SH3TC1: variants seen among roughly 807,000 people sequenced by gnomAD.
SH3TC1 encodes SH3 domain and tetratricopeptide repeats 1.
SH3TC1 carries 135 observed loss-of-function variants against 117.3 expected under a neutral mutation model. The ratio of observed to expected loss-of-function variants is 1.15; its 90% CI spans 1.00 to 1.33. The LOEUF (loss-of-function observed/expected upper bound fraction) is 1.33. Ranked by LOEUF, SH3TC1 falls within the 40% of genes most tolerant of loss-of-function variation. The probability of loss-of-function intolerance (pLI) is 0.00; values close to 1 mark genes in which losing one functional copy is unlikely to be tolerated. For missense variants in SH3TC1, 2,092 were observed against 1,794.3 expected (o/e 1.17, Z -3.00); for synonymous variants, 898 against 816.9 (o/e 1.10, Z -1.69).
At chr4:8,213,267 T>A (rs1718912266) in intron 4 of SH3TC1, 1 of 160,052 alleles carries the variant, frequency 6.2e-6, no homozygotes, top group African/African-American at 2.4e-5. Flanking sequence ...CTGGCAGACC[T>A]CCCCATGGCT....
chr4:8,227,705 C>T lies in SH3TC1; in HGVS notation c.2011C>T (p.Leu671=), dbSNP rs755649628. 2 of 1,568,098 alleles carry T rather than the reference C, an allele frequency of 1.3e-6. No individual in the cohort carries two copies. The part of the protein sequence containing the change: ...LQAEARACFL[L]ARHHVHLKQP... ...GGCCGAGGCCCGGGCCTGCTTCCTG[C>T]TGGCCAGGCACCACGTGCACCTCAA... Residue 671 remains leucine, a synonymous_variant, in exon 12 of 18, where the codon CTG becomes TTG. Coordinates refer to ENST00000245105, the MANE Select transcript of SH3TC1 (RefSeq NM_018986.5).
chr4:8,235,387 C>T, intron 14 of SH3TC1, 46 bp from the exon 15 acceptor site: 3 of 1,419,288 alleles, frequency 2.1e-6, no homozygotes. Context: ...TGGGCGTGGC[C>T]ACCTCACCAG....
rs1718085363 is a variant in SH3TC1, at chr4:8,205,080, T to C, written c.-28-87T>C. 2 of 1,128,998 alleles carry C rather than the reference T, an allele frequency of 1.8e-6. No individual in the cohort carries two copies. Among genetic ancestry groups the C allele is most frequent in the Non-Finnish European group, 2.4e-6 (2 of 823,324 alleles). 69.9% of individuals were successfully genotyped at this position (1,128,998 alleles called of 1,614,324 possible). ...TGCAGGCGCTCAGCAACGCTGGTGT[T>C]CTCTTTCTGGACCCCAGGCCTGGAC... On this transcript the variant is annotated intron_variant, in intron 1 of 17. Transcript: ENST00000245105. The surrounding 1 kb of genome is among the most constrained non-coding windows in gnomAD (Gnocchi z 5.4).
rs915661179 is a variant in SH3TC1, at chr4:8,235,705, A to G, written c.3405+150A>G. 3 of 1,136,938 alleles carry G rather than the reference A, an allele frequency of 2.6e-6. No homozygotes were observed. The African/African-American group carries it at 4.7e-5, about 18-fold the overall frequency. The allele number at this position is 1,136,938 out of a possible 1,614,324, so 70.4% of individuals were successfully genotyped here. On this transcript the variant is annotated intron_variant, in intron 15 of 17. Coordinates refer to ENST00000245105, the MANE Select transcript of SH3TC1 (RefSeq NM_018986.5). ...TCCTAGTGGTTTCACCGGGAATGATATTGACTGTGCCCCCCGCCCGGGACA... is the reference window on the plus strand; with the variant it reads ...TCCTAGTGGTTTCACCGGGAATGATGTTGACTGTGCCCCCCGCCCGGGACA...
In SH3TC1 at chr4:8,216,091, A is replaced by T; in HGVS notation, c.482-20A>T. 1 of 1,611,566 alleles carries T rather than the reference A, an allele frequency of 6.2e-7. No individual in the cohort carries two copies. The highest frequency in any genetic ancestry group is 2.0e-4 in the Middle Eastern group (1 of 4,900). On this transcript the variant is annotated intron_variant, in intron 5 of 17. Transcript: ENST00000245105. ...GCCCCTCTTCTGGAGCCCTCGGGTG[A>T]CTGGGCCTGGCCTCCACAGGCTTCA...
At position 8,212,823 on chromosome 4, in the gene SH3TC1, C is replaced by G; in HGVS notation, c.370C>G (p.Leu124Val). The G allele has an allele frequency of 6.3e-7, 1 of 1,578,464 alleles. No homozygotes were observed. The highest frequency in any genetic ancestry group is 1.2e-5 in the South Asian group (1 of 86,148). ...ENDSREMARVLGELSARLLSI... is the reference protein window; with the variant it reads ...ENDSREMARVVGELSARLLSI... The stretch of plus-strand genomic sequence containing the variant: ...TGATAGCCGGGAGATGGCCCGCGTG[C>G]TTGGGGTGAGTAGCCCTCTGGGGCC... The change falls in exon 4 of 18, where the codon CTT becomes GTT. Residue 124 changes from leucine to valine, a missense_variant. Leu to Val is a conservative substitution (Grantham distance 32). Transcript: ENST00000245105.
chr4:8,222,140 A>G (rs564032024), intron 9 of SH3TC1, among the ~76,000 whole-genome samples: 8 of 152,182 alleles, frequency 5.3e-5, no homozygotes, highest in Non-Finnish European at 7.4e-5. Flanking sequence ...GAGGTTGTAC[A>G]GAATCAGTGG....
intron 2 of SH3TC1, among the ~76,000 whole-genome samples, chr4:8,208,110 C>T (rs974018409): frequency 1.3e-5 from 2 of 152,228 alleles, no homozygotes; most frequent in Non-Finnish European, 2.9e-5. Flanking sequence ...AACCCTCATC[C>T]AACCCTTCCA....
chr4:8,216,349 T>C lies in SH3TC1; in HGVS notation c.628+92T>C, dbSNP rs566552104. On this transcript the variant is annotated intron_variant, in intron 6 of 17. Coordinates refer to ENST00000245105, the MANE Select transcript of SH3TC1 (RefSeq NM_018986.5). ...AGCCTGGATCCCGCTGTGCTGAGCA[T>C]GTCTGGGGCTGTGGGCTGCGGAGCC... The C allele has an allele frequency of 6.0e-6, 9 of 1,506,636 alleles. No homozygotes were observed. In the East Asian group the frequency reaches 1.7e-4, roughly 28 times the overall value. 93.3% of individuals were successfully genotyped at this position (1,506,636 alleles called of 1,614,324 possible).
In SH3TC1 at chr4:8,186,668, G is replaced by A. The variant is rs1009805586; in HGVS notation, c.-57+4458G>A. Among the ~76,000 whole-genome samples, 1 of 152,176 alleles carries A rather than the reference G, an allele frequency of 6.6e-6. No individual in the cohort carries two copies. Among genetic ancestry groups the A allele is most frequent in the Non-Finnish European group, 1.5e-5 (1 of 68,026 alleles). On this transcript the variant is annotated intron_variant, in intron 1 of 16. Transcript: ENST00000508641. This position sits in a 1 kb window ranked among gnomAD's most constrained non-coding sequence, Gnocchi z 5.2. ...CTTTTAAAAAGCCCCTTGAGGCTGG[G>A]TGCGGTGGCTCACGCCTGTAATCCC...
At chr4:8,198,442 C>A (rs1326749884), upstream of SH3TC1, among the ~76,000 whole-genome samples, 1 of 152,220 alleles carries the variant, frequency 6.6e-6, no homozygotes, top group Non-Finnish European at 1.5e-5. Flanking sequence ...CGTGGGTGCT[C>A]ACACTCCTGT....
chr4:8,238,458 C>T (rs969783810), intron 17 of SH3TC1, among the ~76,000 whole-genome samples: 1 of 152,200 alleles, frequency 6.6e-6, no homozygotes, highest in African/African-American at 2.4e-5. Flanking sequence ...ATCACACTGG[C>T]ACTGCATCGG....
At position 8,209,810 on chromosome 4, in the gene SH3TC1, G is replaced by A. The variant is rs374304064; in HGVS notation, c.235G>A (p.Val79Ile). 7 of 1,613,456 alleles carry A rather than the reference G, an allele frequency of 4.3e-6. No individual in the cohort carries two copies. Among genetic ancestry groups the A allele is most frequent in the Admixed American group, 1.7e-5 (1 of 59,978 alleles). The change falls in exon 3 of 18, where the codon GTT becomes ATT. Residue 79 changes from valine (V) to isoleucine (I), a missense_variant. Physicochemically the swap from Val to Ile is conservative, Grantham distance 29. Transcript: ENST00000245105. This position sits in a 1 kb window ranked among gnomAD's most constrained non-coding sequence, Gnocchi z 5.9. ...TGGGACCCCTCCCTGCCAGATGGGG[G>A]TTTATCCCACAGGTAAACATCCTGG... ...AAGTPPCQMG[V>I]YPTDLTLQLL...
Position 8,186,337 on chromosome 4 carries a change from A to G in SH3TC1, c.-57+4127A>G, listed in dbSNP as rs2152973871. Among the ~76,000 whole-genome samples the G allele has an allele frequency of 6.6e-6, 1 of 152,348 alleles. No homozygotes were observed. The highest frequency in any genetic ancestry group is 1.5e-5 in the Non-Finnish European group (1 of 68,026). On this transcript the variant is annotated intron_variant, in intron 1 of 16. Transcript: ENST00000508641. The surrounding 1 kb of genome is among the most constrained non-coding windows in gnomAD (Gnocchi z 5.2). ...AACTGTCAAGGTCAGGAAAACAGGG[A>G]CATCTGAAAAACCTTCCCGGCCAAA... is the stretch of plus-strand genomic sequence containing the variant.
In SH3TC1 at chr4:8,228,305, G is replaced by A. The variant is rs779796813; in HGVS notation, c.2611G>A (p.Val871Met). Residue 871 changes from valine (V) to methionine (M), a missense_variant, in exon 12 of 18, where the codon GTG becomes ATG. Transcript: ENST00000245105. Reference sequence around the variant, plus strand: ...GGGCGTGATTGCCAACATGGTGGCCGTGGCTCTGAAGAGGACGGGCCGGAC... The same window carrying A: ...GGGCGTGATTGCCAACATGGTGGCCATGGCTCTGAAGAGGACGGGCCGGAC... The part of the protein sequence containing the change: ...QEGVIANMVA[V>M]ALKRTGRTRQ... 9.9e-6 allele frequency: 16 copies of A among 1,612,078 alleles called. No individual in the cohort carries two copies. The highest frequency in any genetic ancestry group is 5.0e-5 in the Admixed American group (3 of 60,006).
At chr4:8,212,496 G>T (rs1466955551) in intron 3 of SH3TC1, among the ~76,000 whole-genome samples, 1 of 152,244 alleles carries the variant, frequency 6.6e-6, no homozygotes, top group African/African-American at 2.4e-5. Flanking sequence ...AAAGAAACAG[G>T]CTGGGAGCTA....
intron 12 of SH3TC1, chr4:8,231,602 C>T (rs780113465): frequency 8.4e-5 from 19 of 226,254 alleles, no homozygotes; most frequent in Non-Finnish European, 1.4e-4. Context: ...GTGTGGCAGA[C>T]GTGACATTTG....
chr4:8,227,239 C>G lies in SH3TC1; in HGVS notation c.1545C>G (p.Phe515Leu), dbSNP rs547545214. Residue 515 changes from phenylalanine (F) to leucine (L), a missense_variant, in exon 12 of 18, where the codon TTC (phenylalanine) becomes TTG (leucine). Phe to Leu is a conservative substitution (Grantham distance 22). Transcript: ENST00000245105. The stretch of plus-strand genomic sequence containing the variant: ...ACGCCCCTGGGTACAAGGCCAGCTT[C>G]CGTGGCCTGTACGATGTGGCGCTGC... ...FLNAPGYKAS[F>L]RGLYDVALPW... 6.3e-7 allele frequency: 1 copy of G among 1,589,388 alleles called. No homozygotes were observed. The highest frequency in any genetic ancestry group is 8.6e-7 in the Non-Finnish European group (1 of 1,167,494).
At chr4:8,240,615 T>A in intron 17 of SH3TC1, 83 bp from the exon 18 acceptor site, 1 of 1,575,266 alleles carries the variant, frequency 6.3e-7, no homozygotes. Context: ...GCCGGACATG[T>A]GGAATGACCT....
Sources: gnomAD v4.1 joint callset for allele counts (sites outside exome capture counted in the v4.1 genomes callset) on GRCh38, gnomAD v4.1.1 for gene constraint, Gnocchi (gnomAD v3.1) non-coding constraint, MANE v1.5 for transcripts, NCBI Gene and HGNC (gene_info 2026-07-23, HGNC 2026-07-21) for gene names.